The following PALM2AKAP2 variants were observed in gnomAD, a reference collection of about 807,000 sequenced individuals.
PALM2AKAP2 encodes the protein PALM2-AKAP2 fusion protein.
PALM2AKAP2 carries 37 observed loss-of-function variants against 71.5 expected under a neutral mutation model. The observed-to-expected ratio is 0.52, with a 90% CI of 0.40 to 0.68. The LOEUF (loss-of-function observed/expected upper bound fraction) is 0.68. PALM2AKAP2 is among the 30% of genes least tolerant of loss of function. The pLI is 0.00. For synonymous variants in PALM2AKAP2, 468 were observed against 478.8 expected (o/e 0.98, Z 0.29); for missense variants, 1,224 against 1,191.8 (o/e 1.03, Z -0.40).
chr9:110,172,133 T>C (rs1442313848), exon 4 of PALM2AKAP2: 1 of 152,636 alleles, frequency 6.6e-6, no homozygotes, highest in Non-Finnish European at 1.5e-5. Flanking sequence ...ATTAAACCTT[T>C]TTTTTCCCAA....
intron 1 of PALM2AKAP2, chr9:109,862,966 T>C: frequency 2.0e-6 from 1 of 507,542 alleles, no homozygotes; most frequent in Non-Finnish European, 3.9e-6. Context: ...GATGAAGCTG[T>C]GAAATAGACA....
At chr9:110,114,150 G>A (rs942418387) in intron 1 of PALM2AKAP2, among the ~76,000 whole-genome samples, 3 of 152,188 alleles carry the variant, frequency 2.0e-5, no homozygotes, top group African/African-American at 7.2e-5. Context: ...ATTACAGATG[G>A]CAGGGTTGGT....
At chr9:110,079,312 G>A (rs552417003) in intron 1 of PALM2AKAP2, among the ~76,000 whole-genome samples, 2 of 151,654 alleles carry the variant, frequency 1.3e-5, no homozygotes, top group South Asian at 2.1e-4. Context: ...CCTGGCCAAC[G>A]TGGCGAAACC....
At chr9:109,716,508 T>A (rs1425179156) in intron 1 of PALM2AKAP2, among the ~76,000 whole-genome samples, 1 of 152,194 alleles carries the variant, frequency 6.6e-6, no homozygotes, top group Non-Finnish European at 1.5e-5. Context: ...ATACTGCTGT[T>A]TATCTGAATT....
intron 1 of PALM2AKAP2, among the ~76,000 whole-genome samples, chr9:109,740,014 A>T (rs1249746072): frequency 6.6e-6 from 1 of 152,242 alleles, no homozygotes; most frequent in Non-Finnish European, 1.5e-5. Flanking sequence ...CTTGAAACAC[A>T]TCTGTGATTC....
chr9:109,748,156 A>G (rs532007353), intron 1 of PALM2AKAP2, among the ~76,000 whole-genome samples: 1 of 152,310 alleles, frequency 6.6e-6, no homozygotes, highest in Non-Finnish European at 1.5e-5. Context: ...GGAATGAAGT[A>G]GAGTTGTGTT....
intron 1 of PALM2AKAP2, among the ~76,000 whole-genome samples, chr9:109,671,493 T>G (rs991515799): frequency 9.9e-5 from 15 of 152,202 alleles, no homozygotes. Context: ...CCATGTTGTT[T>G]TGGTTACTGT....
intron 1 of PALM2AKAP2, among the ~76,000 whole-genome samples, chr9:109,791,058 T>C (rs1827099327): frequency 6.6e-6 from 1 of 152,114 alleles, no homozygotes; most frequent in African/African-American, 2.4e-5. Flanking sequence ...TATTTAACAA[T>C]AGATGAGATA....
At chr9:110,155,914 T>G (rs764077602) in intron 2 of PALM2AKAP2, among the ~76,000 whole-genome samples, 2 of 152,206 alleles carry the variant, frequency 1.3e-5, no homozygotes, top group Non-Finnish European at 2.9e-5. Flanking sequence ...CAGCCTTCCC[T>G]TGGCAGAGCC....
intron 1 of PALM2AKAP2, among the ~76,000 whole-genome samples, chr9:109,714,383 A>G (rs959082471): frequency 6.6e-6 from 1 of 152,142 alleles, no homozygotes; most frequent in Non-Finnish European, 1.5e-5. Context: ...CATCACTCCA[A>G]GCCTGGGCTA....
At chr9:110,070,827 C>T (rs1014735289) in intron 1 of PALM2AKAP2, among the ~76,000 whole-genome samples, 2 of 151,958 alleles carry the variant, frequency 1.3e-5, no homozygotes, top group East Asian at 1.9e-4. Context: ...CTGTTTTTTT[C>T]GTCTGTAACT....
At chr9:109,852,675 C>T (rs1482208805) in intron 1 of PALM2AKAP2, among the ~76,000 whole-genome samples, 1 of 152,204 alleles carries the variant, frequency 6.6e-6, no homozygotes, top group African/African-American at 2.4e-5. Context: ...TCCCTTTTCT[C>T]TGCAACCTCA....
intron 1 of PALM2AKAP2, among the ~76,000 whole-genome samples, chr9:109,825,379 A>C (rs1007650274): frequency 3.3e-5 from 5 of 152,212 alleles, no homozygotes; most frequent in East Asian, 1.9e-4. Context: ...TAATTAAACT[A>C]AAGAGCTTCT....
intron 1 of PALM2AKAP2, among the ~76,000 whole-genome samples, chr9:109,864,970 C>G: frequency 6.6e-6 from 1 of 152,112 alleles, no homozygotes; most frequent in Non-Finnish European, 1.5e-5. Context: ...AAGGCAAGCC[C>G]TACAACCAGT....
chr9:109,694,653 T>A (rs1411006021), intron 1 of PALM2AKAP2, among the ~76,000 whole-genome samples: 1 of 152,062 alleles, frequency 6.6e-6, no homozygotes, highest in Non-Finnish European at 1.5e-5. Context: ...GTTAAAATAA[T>A]GCCAAAATAA....
Position 110,137,087 on chromosome 9 carries a change from TTACAGC to T in PALM2AKAP2, c.1118_1123del (p.Leu373_Gln375delinsTer). The T allele has an allele frequency of 6.2e-7, 1 of 1,613,088 alleles. No homozygotes were observed. On this transcript the variant is annotated stop_gained and inframe_deletion, in exon 2 of 4. Coordinates refer to ENST00000374525, the Ensembl canonical transcript of PALM2AKAP2. LOFTEE classifies it high-confidence loss of function. ...GGAACAGTTGCTGCTGCAGAAGCAG[TTACAGC>T]AGCAGCAGCAGCAGCCCCCATCGCA... is the stretch of plus-strand genomic sequence containing the variant.
At chr9:109,986,517 A>T (rs1295555699) in intron 6 of PALM2AKAP2, among the ~76,000 whole-genome samples, 1 of 152,086 alleles carries the variant, frequency 6.6e-6, no homozygotes, top group Non-Finnish European at 1.5e-5. Flanking sequence ...ATTTTCTCTG[A>T]TTTTCAGGCA....
At chr9:110,044,599 G>A (rs569534380), upstream of PALM2AKAP2, among the ~76,000 whole-genome samples, 3 of 151,000 alleles carry the variant, frequency 2.0e-5, no homozygotes, top group Admixed American at 6.6e-5. Flanking sequence ...TGATCCACCC[G>A]CTTCGGCCTC....
intron 1 of PALM2AKAP2, among the ~76,000 whole-genome samples, chr9:109,651,967 G>A (rs1050105407): frequency 6.6e-6 from 1 of 152,064 alleles, no homozygotes; most frequent in African/African-American, 2.4e-5. Context: ...AGTATTTGAT[G>A]TGCTATTTAA....
Sources: gnomAD v4.1 joint callset for allele counts (sites outside exome capture counted in the v4.1 genomes callset) on GRCh38, gnomAD v4.1.1 for gene constraint, MANE v1.5 for transcripts, NCBI Gene and HGNC (gene_info 2026-07-23, HGNC 2026-07-21) for gene names.